NEGR1: variants seen among roughly 807,000 people sequenced by gnomAD.
NEGR1 encodes the protein IgLON family member 4.
In NEGR1, 10 loss-of-function variants were observed where a neutral mutation model predicts 40.9. The observed-to-expected ratio is 0.24, with a 90% CI of 0.15 to 0.42. The LOEUF (loss-of-function observed/expected upper bound fraction) is 0.42, where lower values mean the gene tolerates loss of function less well. NEGR1 is among the 10% of genes least tolerant of loss of function. The pLI, the probability that NEGR1 is intolerant of heterozygous loss-of-function variation, is 1.00. For missense variants in NEGR1, 352 were observed against 438.9 expected, an observed-to-expected ratio of 0.80 and a Z score of 1.77; for synonymous variants, 185 against 166.8, an observed-to-expected ratio of 1.11 and a Z score of -0.84.
intron 4 of NEGR1, among the ~76,000 whole-genome samples, chr1:71,624,592 G>T (rs956179863): frequency 6.6e-6 from 1 of 151,850 alleles, no homozygotes; most frequent in Non-Finnish European, 1.5e-5. Context: ...TAGCAATATT[G>T]GACTATTTCA....
In NEGR1 at chr1:71,399,914, T is replaced by C. The variant is rs915405517; in HGVS notation, c.*7532A>G. The C allele has an allele frequency of 4.6e-5, 7 of 152,204 alleles. No homozygotes were observed. Among genetic ancestry groups the C allele is most frequent in the South Asian group, 2.1e-4 (1 of 4,832 alleles). 9.4% of individuals were successfully genotyped at this position (152,204 alleles called of 1,614,324 possible). On this transcript the variant is annotated 3_prime_UTR_variant, in exon 7 of 7. Transcript: ENST00000357731. ...TTTGTTCCTTAGCTTTAGCATATTA[T>C]AGTCTTCAACGAATATTTTGTAAGT...
chr1:71,804,641 C>T (rs1294595274), intron 2 of NEGR1, among the ~76,000 whole-genome samples: 2 of 152,180 alleles, frequency 1.3e-5, no homozygotes, highest in African/African-American at 4.8e-5. Flanking sequence ...ATCACTTCCC[C>T]AGTCAATACC....
At chr1:71,714,454 C>T (rs1182233749) in intron 3 of NEGR1, among the ~76,000 whole-genome samples, 1 of 152,192 alleles carries the variant, frequency 6.6e-6, no homozygotes, top group Non-Finnish European at 1.5e-5. Flanking sequence ...CCAGTATTAA[C>T]ACAAAAGTCT....
At chr1:71,974,040 T>C (rs6667732) in intron 1 of NEGR1, among the ~76,000 whole-genome samples, 18,849 of 152,224 alleles carry the variant, frequency 0.12, 1,624 homozygotes, top group East Asian at 0.43. Context: ...CAGAATTCAG[T>C]CAAGGAAGTA....
At chr1:71,563,022 A>G (rs967350577) in intron 6 of NEGR1, among the ~76,000 whole-genome samples, 3 of 152,018 alleles carry the variant, frequency 2.0e-5, no homozygotes, top group Non-Finnish European at 2.9e-5. Flanking sequence ...GTCAATAGGA[A>G]GAAGGCCTTG....
At chr1:71,719,029 G>A (rs1459111225) in intron 3 of NEGR1, among the ~76,000 whole-genome samples, 1 of 152,200 alleles carries the variant, frequency 6.6e-6, no homozygotes, top group Non-Finnish European at 1.5e-5. Context: ...GATAAGCTAA[G>A]GGTTTGAGTT....
intron 4 of NEGR1, among the ~76,000 whole-genome samples, chr1:71,663,471 T>C (rs1486526246): frequency 6.6e-6 from 1 of 152,204 alleles, no homozygotes; most frequent in Non-Finnish European, 1.5e-5. Context: ...TAGATATTCT[T>C]AATTACAAAA....
At chr1:72,201,517 ACT>A (rs1480906394) in intron 1 of NEGR1, among the ~76,000 whole-genome samples, 2 of 151,820 alleles carry the variant, frequency 1.3e-5, no homozygotes, top group Non-Finnish European at 2.9e-5. Context: ...AATGCACGTA[ACT>A]CAAGTAAAAT....
rs61765614 is a variant in NEGR1, at chr1:72,172,299, C to T, written c.176+110020G>A. ...ATAATTTTGTCATTAGAACCAAACA[C>T]CATTGTTGGCAGCTACTTCCATTTG... On this transcript the variant is annotated intron_variant, in intron 1 of 6. Coordinates refer to ENST00000357731, the MANE Select transcript of NEGR1 (RefSeq NM_173808.3). Among the ~76,000 whole-genome samples the T allele has an allele frequency of 4.2e-3, 636 of 152,254 alleles. 4 individuals are homozygous for T. The highest frequency in any genetic ancestry group is 5.4e-3 in the Non-Finnish European group (367 of 68,016).
At chr1:71,559,012 T>C (rs1236483651) in intron 6 of NEGR1, among the ~76,000 whole-genome samples, 2 of 56,732 alleles carry the variant, frequency 3.5e-5, no homozygotes, top group Non-Finnish European at 9.0e-5. Flanking sequence ...ATCTTCTCTG[T>C]GTGTGTGTAT....
At chr1:71,612,487 G>A (rs539311088) in intron 4 of NEGR1, among the ~76,000 whole-genome samples, 1 of 152,132 alleles carries the variant, frequency 6.6e-6, no homozygotes, top group Middle Eastern at 3.4e-3. Context: ...GCAGTAAATT[G>A]CCCTGACGTG....
At chr1:72,266,019 C>G (rs1296374680) in intron 1 of NEGR1, among the ~76,000 whole-genome samples, 1 of 150,800 alleles carries the variant, frequency 6.6e-6, no homozygotes, top group Non-Finnish European at 1.5e-5. Context: ...TAAAATATAG[C>G]ACCTTACTAA....
intron 6 of NEGR1, among the ~76,000 whole-genome samples, chr1:71,554,903 C>A (rs1312766360): frequency 6.6e-6 from 1 of 151,502 alleles, no homozygotes; most frequent in Non-Finnish European, 1.5e-5. Flanking sequence ...AATCCAAGAA[C>A]CTTTAACTCA....
At chr1:71,447,129 G>A (rs57177767) in intron 6 of NEGR1, among the ~76,000 whole-genome samples, 4,087 of 152,296 alleles carry the variant, frequency 0.027, 189 homozygotes, top group African/African-American at 0.093. Flanking sequence ...TCTGAACTCT[G>A]CCTCCTGTCA....
chr1:71,633,848 G>A (rs572511410), intron 4 of NEGR1, among the ~76,000 whole-genome samples: 24 of 152,164 alleles, frequency 1.6e-4, no homozygotes, highest in Non-Finnish European at 2.8e-4. Flanking sequence ...CCCATGTGGA[G>A]TTATTATCTT....
intron 1 of NEGR1, among the ~76,000 whole-genome samples, chr1:72,037,358 T>A (rs1216556709): frequency 6.6e-6 from 1 of 152,184 alleles, no homozygotes; most frequent in Non-Finnish European, 1.5e-5. Context: ...TCATCTCATT[T>A]AATCTTTACA....
chr1:71,688,335 T>TATATATATATAG (rs1160299881), intron 4 of NEGR1, among the ~76,000 whole-genome samples: 2 of 73,642 alleles, frequency 2.7e-5, no homozygotes, highest in African/African-American at 4.9e-5. Context: ...TATAGATAGA[T>TATATATATATAG]AGATAGATAG....
chr1:71,432,370 T>G (rs1473139126), intron 6 of NEGR1, among the ~76,000 whole-genome samples: 1 of 152,222 alleles, frequency 6.6e-6, no homozygotes, highest in East Asian at 1.9e-4. Context: ...TACATAGTTT[T>G]TGCTATGGTT....
chr1:71,436,762 A>AT (rs1646512386), intron 6 of NEGR1, among the ~76,000 whole-genome samples: 1 of 152,196 alleles, frequency 6.6e-6, no homozygotes, highest in South Asian at 2.1e-4. Flanking sequence ...GAAGACCTTT[A>AT]TGATGATCCA....
Sources: gnomAD v4.1 joint callset for allele counts (sites outside exome capture counted in the v4.1 genomes callset) on GRCh38, gnomAD v4.1.1 for gene constraint, MANE v1.5 for transcripts, NCBI Gene and HGNC (gene_info 2026-07-23, HGNC 2026-07-21) for gene names.